RPF1: variants seen among roughly 807,000 people sequenced by gnomAD.
The protein encoded by RPF1 is ribosome production factor 1.
A neutral mutation model predicts 41.9 loss-of-function variants in RPF1; 34 were observed. The ratio of observed to expected loss-of-function variants is 0.81; its 90% CI spans 0.62 to 1.08. The LOEUF is 1.08. Ranked by LOEUF, RPF1 falls within the 50% of genes least tolerant of loss-of-function variation. The pLI is 0.00. For synonymous variants in RPF1, 140 were observed against 148.9 expected (o/e 0.94, Z 0.43); for missense variants, 425 against 435.2 (o/e 0.98, Z 0.21).
rs1453871865 is a variant in RPF1, at chr1:84,479,580, C to T, written c.228+71C>T. The T allele has an allele frequency of 3.5e-6, 5 of 1,419,038 alleles. 1 individual carries two copies. The South Asian group carries it at 3.7e-5, about 10-fold the overall frequency. The allele number at this position is 1,419,038 out of a possible 1,614,324, so 87.9% of individuals were successfully genotyped here. Reference sequence around the variant, plus strand: ...ACGCTTAGGGCGGTCGCGGGGCGCACATCTGTGGTTGTCTGCTGGTCTCAA... The same window carrying T: ...ACGCTTAGGGCGGTCGCGGGGCGCATATCTGTGGTTGTCTGCTGGTCTCAA... On this transcript the variant is annotated intron_variant, in intron 1 of 8. Coordinates refer to ENST00000370654, the MANE Select transcript of RPF1 (RefSeq NM_025065.7).
chr1:84,488,610 G>A (rs2101884869), intron 3 of RPF1, among the ~76,000 whole-genome samples: 1 of 152,136 alleles, frequency 6.6e-6, no homozygotes, highest in South Asian at 2.1e-4. Context: ...AAAATCAACA[G>A]TGCCATCTTT....
rs753966447 is a variant in RPF1, at chr1:84,490,318, G to C, written c.463-1G>C. ...AAAATTTTTGTTATTTTGTTTTGCA[G>C]AGAACAGTACGACTCTGTGAACAGC... On this transcript the variant is annotated splice_acceptor_variant, in intron 4 of 8. Coordinates refer to ENST00000370654, the MANE Select transcript of RPF1 (RefSeq NM_025065.7). LOFTEE classifies it high-confidence loss of function. 1.3e-6 allele frequency: 2 copies of C among 1,533,010 alleles called. No individual in the cohort carries two copies. The highest frequency in any genetic ancestry group is 2.8e-5 in the African/African-American group (2 of 70,316). The allele number at this position is 1,533,010 out of a possible 1,614,324, so 95.0% of individuals were successfully genotyped here. A position where few individuals can be genotyped will look rare whatever the true frequency, so the allele number is the denominator to read the frequency against.
At position 84,479,298 on chromosome 1, in the gene RPF1, A is replaced by T; in HGVS notation, c.17A>T (p.Asp6Val). The change falls in exon 1 of 9, where the codon GAT becomes GTT. Residue 6 changes from aspartate (D) to valine (V), a missense_variant. By Grantham distance (152) the Asp-to-Val change is radical (BLOSUM62 -3). Coordinates refer to ENST00000370654, the MANE Select transcript of RPF1 (RefSeq NM_025065.7). MAKAG[D>V]KSSSSGKKSL... ...GCCAAGACCATGGCGAAAGCCGGGG[A>T]TAAGAGCAGCAGCAGCGGGAAGAAA... 6.2e-7 allele frequency: 1 copy of T among 1,604,308 alleles called. No individual in the cohort carries two copies. The highest frequency in any genetic ancestry group is 1.3e-5 in the African/African-American group (1 of 74,310).
intron 5 of RPF1, among the ~76,000 whole-genome samples, chr1:84,493,548 C>T (rs1681873849): frequency 6.6e-6 from 1 of 151,420 alleles, no homozygotes; most frequent in Non-Finnish European, 1.5e-5. Flanking sequence ...CATGGTCGTG[C>T]CATTGCACTT....
intron 3 of RPF1, among the ~76,000 whole-genome samples, chr1:84,487,699 A>G (rs1681759634): frequency 6.6e-6 from 1 of 152,140 alleles, no homozygotes. Flanking sequence ...CTTCTAAAAT[A>G]ATTAAAGAGT....
At chr1:84,489,794 C>A in intron 4 of RPF1, 66 bp downstream of exon 4, 1 of 926,216 alleles carries the variant, frequency 1.1e-6, no homozygotes, top group Non-Finnish European at 1.8e-6. Flanking sequence ...TTAAAGTACT[C>A]TGTTCAGAAG....
Position 84,488,439 on chromosome 1 carries a change from A to G in RPF1, c.367-1194A>G, listed in dbSNP as rs1681772737. Reference sequence around the variant, plus strand: ...ATGGATTTTTGAATAGTGATGTTCTAACCAGTAGCCTACCTAAATTCATTT... The same window carrying G: ...ATGGATTTTTGAATAGTGATGTTCTGACCAGTAGCCTACCTAAATTCATTT... On this transcript the variant is annotated intron_variant, in intron 3 of 8. Transcript: ENST00000370654. Among the ~76,000 whole-genome samples, 6 of 152,128 alleles carry G rather than the reference A, an allele frequency of 3.9e-5. No individual in the cohort carries two copies. In the South Asian group the frequency reaches 1.2e-3, roughly 31 times the overall value.
chr1:84,480,897 G>A (rs749022410), intron 1 of RPF1, 59 bp from the exon 2 acceptor site: 2 of 879,522 alleles, frequency 2.3e-6, no homozygotes, highest in Non-Finnish European at 1.9e-6. Context: ...GTTTCAGTAT[G>A]TGTTTGTGAT....
At chr1:84,482,853 T>G in intron 2 of RPF1, 62 bp from the exon 3 acceptor site, 1 of 1,030,974 alleles carries the variant, frequency 9.7e-7, no homozygotes. Context: ...GTTATTTTTC[T>G]CCAACAGTAA....
rs759713830 is a variant in RPF1, at chr1:84,495,361, T to C, written c.617-12T>C. On this transcript the variant is annotated splice_polypyrimidine_tract_variant and intron_variant, in intron 5 of 8. Transcript: ENST00000370654. ...CAGAGTTCAATGTGTTTTTCTTAAC[T>C]TTTATGAACAGATGGACTTATTTTG... The C allele has an allele frequency of 1.6e-5, 21 of 1,300,964 alleles. No individual in the cohort carries two copies. In the Admixed American group the frequency reaches 3.8e-4, roughly 23 times the overall value. 80.6% of individuals were successfully genotyped at this position (1,300,964 alleles called of 1,614,324 possible).
intron 5 of RPF1, among the ~76,000 whole-genome samples, chr1:84,493,705 G>A (rs1203824062): frequency 6.6e-6 from 1 of 152,206 alleles, no homozygotes; most frequent in Admixed American, 6.5e-5. Flanking sequence ...GCAGAACTGA[G>A]AAGATTTAGA....
chr1:84,489,603 T>A, intron 3 of RPF1, 30 bp from the exon 4 acceptor site: 7 of 1,231,892 alleles, frequency 5.7e-6, no homozygotes, highest in Non-Finnish European at 8.4e-6. Flanking sequence ...ATTTCTTTGA[T>A]GTAAAATTAT....
chr1:84,492,323 G>C lies in RPF1; in HGVS notation c.616+1851G>C, dbSNP rs978787208. Reference sequence around the variant, plus strand: ...CGTCTTTCTAAAGACCATTGGAGGGGCTACTGTGTGGAAGAGTAGTGCTGA... The same window carrying C: ...CGTCTTTCTAAAGACCATTGGAGGGCCTACTGTGTGGAAGAGTAGTGCTGA... On this transcript the variant is annotated intron_variant, in intron 5 of 8. Transcript: ENST00000370654. Among the ~76,000 whole-genome samples, 8 of 152,176 alleles carry C rather than the reference G, an allele frequency of 5.3e-5. No homozygotes were observed. The South Asian group carries it at 8.3e-4, about 16-fold the overall frequency.
At chr1:84,483,078 T>C (rs1180497511) in intron 3 of RPF1, 83 bp downstream of exon 3, 17 of 884,218 alleles carry the variant, frequency 1.9e-5, no homozygotes, top group Non-Finnish European at 2.2e-5. Flanking sequence ...TTTAAAGTGC[T>C]GGCTGGCCAA....
intron 5 of RPF1, among the ~76,000 whole-genome samples, chr1:84,493,332 C>CAAAAA (rs376130673): frequency 9.6e-6 from 1 of 104,100 alleles, no homozygotes; most frequent in Non-Finnish European, 2.1e-5. Flanking sequence ...GCACTACTAT[C>CAAAAA]AAAAAAAAAA....
intron 3 of RPF1, among the ~76,000 whole-genome samples, chr1:84,483,911 C>T (rs781678774): frequency 9.2e-5 from 14 of 152,154 alleles, no homozygotes; most frequent in Non-Finnish European, 1.3e-4. Context: ...TTGCCTGCAT[C>T]GTATTGGGAT....
chr1:84,489,868 G>A lies in RPF1; in HGVS notation c.462+140G>A, dbSNP rs962699638. On this transcript the variant is annotated intron_variant, in intron 4 of 8. Transcript: ENST00000370654. ...GACTAAGTAAATAAAACGTAGCTCTGGTAATATGATGTAGGTTTACTAAAC... is the reference window on the plus strand; with the variant it reads ...GACTAAGTAAATAAAACGTAGCTCTAGTAATATGATGTAGGTTTACTAAAC... The A allele has an allele frequency of 1.8e-5, 11 of 599,892 alleles. No individual in the cohort carries two copies. In the African/African-American group the frequency reaches 1.9e-4, roughly 10 times the overall value. The allele number at this position is 599,892 out of a possible 1,614,324, so 37.2% of individuals were successfully genotyped here. A position where few individuals can be genotyped will look rare whatever the true frequency, so the allele number is the denominator to read the frequency against.
chr1:84,497,748 C>CTAT lies in RPF1; in HGVS notation c.*280_*282dup. Reference sequence around the variant, plus strand: ...GGAATCAAGATTCAGATTAACTTTCCTATTTGCATAGAACACATGAGAGGA... The same window carrying CTAT: ...GGAATCAAGATTCAGATTAACTTTCCTATTATTTGCATAGAACACATGAGAGGA... On this transcript the variant is annotated 3_prime_UTR_variant, in exon 9 of 9. Transcript: ENST00000370654. 1 of 312,270 alleles carries CTAT rather than the reference C, an allele frequency of 3.2e-6. No individual in the cohort carries two copies. The highest frequency in any genetic ancestry group is 5.9e-6 in the Non-Finnish European group (1 of 168,148). 19.3% of individuals were successfully genotyped at this position (312,270 alleles called of 1,614,324 possible).
At chr1:84,490,520 C>T in intron 5 of RPF1, 48 bp downstream of exon 5, 2 of 1,283,236 alleles carry the variant, frequency 1.6e-6, no homozygotes, top group Non-Finnish European at 2.1e-6. Context: ...TCCCTCACCC[C>T]CCTTAAAAAT....
Sources: allele counts gnomAD v4.1 joint callset (sites outside exome capture counted in the v4.1 genomes callset), GRCh38; gene constraint gnomAD v4.1.1; transcripts MANE v1.5; gene names NCBI Gene and HGNC (gene_info 2026-07-23, HGNC 2026-07-21).